Variants in EXOC4 observed in about 807,000 individuals in gnomAD.
The protein encoded by EXOC4 is exocyst complex component 4.
Under a neutral mutation model 107.2 loss-of-function variants are expected in EXOC4, and 71 were observed. The observed-to-expected ratio is 0.66, with a 90% CI of 0.55 to 0.81. The LOEUF is 0.81. Among genes scored for constraint, EXOC4 ranks in the 30% least tolerant of loss-of-function variants. The probability of loss-of-function intolerance (pLI) is 0.00; values close to 1 mark genes in which losing one functional copy is unlikely to be tolerated. For synonymous variants in EXOC4, 456 were observed against 441.2 expected (o/e 1.03, Z -0.42); for missense variants, 1,108 against 1,189.6 (o/e 0.93, Z 1.01).
intron 10 of EXOC4, among the ~76,000 whole-genome samples, chr7:133,816,294 A>T (rs991181057): frequency 6.6e-6 from 1 of 152,240 alleles, no homozygotes; most frequent in Non-Finnish European, 1.5e-5. Context: ...AACCACACAA[A>T]TCAGGGCTGC....
chr7:133,468,258 A>G (rs1563077108), intron 7 of EXOC4, among the ~76,000 whole-genome samples: 1 of 152,172 alleles, frequency 6.6e-6, no homozygotes, highest in Non-Finnish European at 1.5e-5. Flanking sequence ...AGTGGTTTTA[A>G]TTGTGCAACT....
Position 133,423,013 on chromosome 7 carries a change from T to C in EXOC4, c.1182+48011T>C, listed in dbSNP as rs1797639713. Reference sequence around the variant, plus strand: ...GCGGGTGGATCATGAGGTCAGGAGATCGAGACCATCCTGGCTAACAAGGTG... The same window carrying C: ...GCGGGTGGATCATGAGGTCAGGAGACCGAGACCATCCTGGCTAACAAGGTG... On this transcript the variant is annotated intron_variant, in intron 7 of 17. Coordinates refer to ENST00000253861, the MANE Select transcript of EXOC4 (RefSeq NM_021807.4). Among the ~76,000 whole-genome samples, 2 of 38,784 alleles carry C rather than the reference T, an allele frequency of 5.2e-5. 1 individual carries two copies. Among genetic ancestry groups the C allele is most frequent in the Admixed American group, 5.4e-4 (2 of 3,690 alleles). 25.4% of individuals were successfully genotyped at this position (38,784 alleles called of 152,430 possible).
chr7:133,303,975 A>G (rs943823514), intron 3 of EXOC4, among the ~76,000 whole-genome samples: 1 of 152,180 alleles, frequency 6.6e-6, no homozygotes, highest in Non-Finnish European at 1.5e-5. Context: ...TTTACTTTTA[A>G]TTTAATTAGG....
At chr7:133,820,833 C>T (rs920104051) in intron 11 of EXOC4, among the ~76,000 whole-genome samples, 1 of 152,136 alleles carries the variant, frequency 6.6e-6, no homozygotes, top group Non-Finnish European at 1.5e-5. Flanking sequence ...GCCTAGGAGC[C>T]CTGTGAAGAG....
At chr7:133,517,046 A>T (rs1355359580) in intron 9 of EXOC4, among the ~76,000 whole-genome samples, 1 of 152,122 alleles carries the variant, frequency 6.6e-6, no homozygotes, top group East Asian at 1.9e-4. Flanking sequence ...AATGAGATTG[A>T]TACTAATTTG....
intron 7 of EXOC4, among the ~76,000 whole-genome samples, chr7:133,432,406 A>G (rs1797875696): frequency 1.3e-5 from 2 of 152,318 alleles, no homozygotes; most frequent in Admixed American, 6.5e-5. Context: ...TATGGGACAT[A>G]TAGTAGGCAT....
At chr7:134,054,050 A>G (rs955198310) in intron 17 of EXOC4, among the ~76,000 whole-genome samples, 1 of 152,068 alleles carries the variant, frequency 6.6e-6, no homozygotes, top group Non-Finnish European at 1.5e-5. Context: ...GGTTCAAGCA[A>G]TTCTCCTGCC....
intron 5 of EXOC4, among the ~76,000 whole-genome samples, chr7:133,333,823 A>G (rs925820064): frequency 6.6e-6 from 1 of 152,186 alleles, no homozygotes. Context: ...GGTTCTTGTA[A>G]CAAGCAACTC....
chr7:134,064,272 T>A lies in EXOC4; in HGVS notation c.2688-19T>A. 7.1e-7 allele frequency: 1 copy of A among 1,409,404 alleles called. No individual in the cohort carries two copies. The highest frequency in any genetic ancestry group is 9.4e-7 in the Non-Finnish European group (1 of 1,067,410). The allele number at this position is 1,409,404 out of a possible 1,614,324, so 87.3% of individuals were successfully genotyped here. A position where few individuals can be genotyped will look rare whatever the true frequency, so the allele number is the denominator to read the frequency against. ...ACCAGTGGGGAGCCAGTGAGCAGTG[T>A]TCTCTCTTGCTTTCTCAGGCAGTAC... is the stretch of plus-strand genomic sequence containing the variant. On this transcript the variant is annotated intron_variant, in intron 17 of 17. Transcript: ENST00000253861.
chr7:133,269,340 C>T (rs1793810749), intron 1 of EXOC4, among the ~76,000 whole-genome samples: 1 of 152,160 alleles, frequency 6.6e-6, no homozygotes, highest in Non-Finnish European at 1.5e-5. Flanking sequence ...GTCAAATATA[C>T]TTAGCTTTAA....
intron 13 of EXOC4, among the ~76,000 whole-genome samples, chr7:133,927,516 A>G (rs113711376): frequency 0.013 from 2,035 of 152,342 alleles, 30 homozygotes; most frequent in African/African-American, 0.043. Context: ...GAATCTTCAG[A>G]TAAGTTTGAA....
intron 10 of EXOC4, among the ~76,000 whole-genome samples, chr7:133,714,371 A>G (rs1237371036): frequency 6.6e-6 from 1 of 152,112 alleles, no homozygotes; most frequent in Non-Finnish European, 1.5e-5. Flanking sequence ...AATTTTAGGA[A>G]TCAATTGTGT....
chr7:133,634,834 C>T (rs1273651817), intron 10 of EXOC4, among the ~76,000 whole-genome samples: 1 of 152,120 alleles, frequency 6.6e-6, no homozygotes, highest in Non-Finnish European at 1.5e-5. Context: ...ATGAACAAAA[C>T]CGTATTAAAA....
chr7:134,087,440 A>C, the EXOC4 span, among the ~76,000 whole-genome samples: 2 of 152,190 alleles, frequency 1.3e-5, no homozygotes, highest in African/African-American at 4.8e-5. Context: ...ATTTAAGAAA[A>C]CATTGAGTAA....
chr7:133,620,347 T>A (rs560356262), intron 9 of EXOC4, among the ~76,000 whole-genome samples: 1 of 152,194 alleles, frequency 6.6e-6, no homozygotes, highest in African/African-American at 2.4e-5. Context: ...AACCAACTAG[T>A]TACTTAAAAA....
At chr7:133,422,438 A>G (rs1053246636) in intron 7 of EXOC4, among the ~76,000 whole-genome samples, 2 of 152,216 alleles carry the variant, frequency 1.3e-5, no homozygotes, top group African/African-American at 2.4e-5. Context: ...ATATTATACA[A>G]TAAAGAGGGT....
intron 7 of EXOC4, among the ~76,000 whole-genome samples, chr7:133,416,652 G>T (rs1270203679): frequency 1.3e-5 from 2 of 152,164 alleles, no homozygotes; most frequent in Non-Finnish European, 2.9e-5. Context: ...CTCATGATCG[G>T]TCAATCTTAG....
chr7:134,072,728 C>A, the EXOC4 span, among the ~76,000 whole-genome samples: 1 of 152,178 alleles, frequency 6.6e-6, no homozygotes, highest in Non-Finnish European at 1.5e-5. Flanking sequence ...AATGGGATAA[C>A]AGTGATACTA....
chr7:133,424,398 C>T (rs1225560981), intron 7 of EXOC4, among the ~76,000 whole-genome samples: 1 of 151,920 alleles, frequency 6.6e-6, no homozygotes, highest in African/African-American at 2.4e-5. Context: ...CGAAGGTCTG[C>T]AGCCTCACTC....
Sources: allele counts gnomAD v4.1 joint callset (sites outside exome capture counted in the v4.1 genomes callset), GRCh38; gene constraint gnomAD v4.1.1; transcripts MANE v1.5; gene names NCBI Gene and HGNC (gene_info 2026-07-23, HGNC 2026-07-21).